EPB41L5: variants seen among roughly 807,000 people sequenced by gnomAD.
EPB41L5 encodes the protein band 4.1-like protein 5.
Under a neutral mutation model 106.6 loss-of-function variants are expected in EPB41L5, and 55 were observed. That is an observed-to-expected ratio of 0.52 (90% CI 0.42 to 0.65). The LOEUF (loss-of-function observed/expected upper bound fraction) is 0.65, where lower values mean the gene tolerates loss of function less well. Among genes scored for constraint, EPB41L5 ranks in the 30% least tolerant of loss-of-function variants. EPB41L5 has a pLI of 0.00. For synonymous variants in EPB41L5, 297 were observed against 306.7 expected, an observed-to-expected ratio of 0.97 and a Z score of 0.33; for missense variants, 871 against 882.1, an observed-to-expected ratio of 0.99 and a Z score of 0.16.
At chr2:120,029,964 C>T (rs1432955902) in intron 2 of EPB41L5, among the ~76,000 whole-genome samples, 2 of 152,120 alleles carry the variant, frequency 1.3e-5, no homozygotes, top group Non-Finnish European at 2.9e-5. Flanking sequence ...TAGCCCACAC[C>T]TTGAGAATAA....
In EPB41L5 at chr2:120,127,687, G is replaced by A; in HGVS notation, c.1338-1G>A. On this transcript the variant is annotated splice_acceptor_variant, in intron 16 of 24. Coordinates refer to ENST00000263713, the MANE Select transcript of EPB41L5 (RefSeq NM_020909.4). LOFTEE classifies it high-confidence loss of function. Reference sequence around the variant, plus strand: ...AAGTAAATTTTCTATTTCCATTGCAGCATTCCTCTGAATATTGATTTGCTG... The same window carrying A: ...AAGTAAATTTTCTATTTCCATTGCAACATTCCTCTGAATATTGATTTGCTG... 1 of 1,580,586 alleles carries A rather than the reference G, an allele frequency of 6.3e-7. No individual in the cohort carries two copies. Among genetic ancestry groups the A allele is most frequent in the Non-Finnish European group, 8.6e-7 (1 of 1,158,420 alleles).
chr2:120,141,754 G>C (rs1344332507), intron 18 of EPB41L5, among the ~76,000 whole-genome samples: 4 of 152,064 alleles, frequency 2.6e-5, no homozygotes, highest in Non-Finnish European at 5.9e-5. Context: ...TCAGGAGAGA[G>C]CATGTTAACC....
At chr2:120,066,471 G>A (rs62166876) in intron 3 of EPB41L5, among the ~76,000 whole-genome samples, 61 of 151,916 alleles carry the variant, frequency 4.0e-4, no homozygotes, top group Non-Finnish European at 5.4e-4. Flanking sequence ...ATTATTTTTC[G>A]TGGATATATA....
intron 3 of EPB41L5, among the ~76,000 whole-genome samples, chr2:120,072,791 G>T (rs1681963343): frequency 6.6e-6 from 1 of 152,140 alleles, no homozygotes; most frequent in African/African-American, 2.4e-5. Context: ...GAGGGTGAGG[G>T]ACTAGGGGAG....
At chr2:120,041,599 A>C (rs1292674853) in intron 2 of EPB41L5, among the ~76,000 whole-genome samples, 1 of 152,152 alleles carries the variant, frequency 6.6e-6, no homozygotes, top group Non-Finnish European at 1.5e-5. Flanking sequence ...ATCTGTTTGC[A>C]AGTGTAGTTT....
At chr2:120,088,374 G>A (rs1427192164) in intron 11 of EPB41L5, among the ~76,000 whole-genome samples, 4 of 152,178 alleles carry the variant, frequency 2.6e-5, no homozygotes, top group Admixed American at 2.0e-4. Flanking sequence ...ACAAGTGGGA[G>A]CTAAATGATA....
intron 3 of EPB41L5, among the ~76,000 whole-genome samples, chr2:120,050,605 A>T (rs1301191750): frequency 1.3e-5 from 2 of 152,202 alleles, no homozygotes; most frequent in Non-Finnish European, 2.9e-5. Context: ...GGGTTCGAAC[A>T]TCCTCCTTTA....
intron 16 of EPB41L5, among the ~76,000 whole-genome samples, chr2:120,112,531 C>T (rs972062450): frequency 3.3e-5 from 5 of 152,130 alleles, no homozygotes; most frequent in Non-Finnish European, 5.9e-5. Context: ...CTAAATCCAG[C>T]AAGCAAGAAG....
At position 120,178,033 on chromosome 2, in the gene EPB41L5, G is replaced by A. The variant is rs1185766205; in HGVS notation, c.*3126G>A. The stretch of plus-strand genomic sequence containing the variant: ...TTCTAAGTAAGAGTCTCGAGAAGCA[G>A]AGTTTTTGTCTTGTCATTGAGAGGA... On this transcript the variant is annotated 3_prime_UTR_variant, in exon 25 of 25. Transcript: ENST00000263713. 1 of 152,348 alleles carries A rather than the reference G, an allele frequency of 6.6e-6. No homozygotes were observed. The highest frequency in any genetic ancestry group is 1.5e-5 in the Non-Finnish European group (1 of 68,042). 9.4% of individuals were successfully genotyped at this position (152,348 alleles called of 1,614,324 possible).
intron 18 of EPB41L5, among the ~76,000 whole-genome samples, chr2:120,136,998 C>CA (rs1363157554): frequency 6.6e-6 from 1 of 151,592 alleles, no homozygotes; most frequent in Non-Finnish European, 1.5e-5. Context: ...TCTGAACATT[C>CA]AAAAAAACAA....
intron 3 of EPB41L5, among the ~76,000 whole-genome samples, chr2:120,055,398 T>C (rs1245644307): frequency 6.6e-6 from 1 of 152,022 alleles, no homozygotes; most frequent in African/African-American, 2.4e-5. Flanking sequence ...AATCTGTATA[T>C]CAATTTGGGG....
intron 19 of EPB41L5, among the ~76,000 whole-genome samples, chr2:120,143,867 T>C (rs540797727): frequency 6.6e-6 from 1 of 152,292 alleles, no homozygotes; most frequent in South Asian, 2.1e-4. Flanking sequence ...AGAATCTCAT[T>C]TCTGTTCTAC....
In EPB41L5 at chr2:120,090,358, G is replaced by A. The variant is rs2105365281; in HGVS notation, c.885G>A (p.Gln295=). 1 of 1,606,594 alleles carries A rather than the reference G, an allele frequency of 6.2e-7. No homozygotes were observed. Residue 295 remains glutamine (Q), a synonymous_variant, in exon 12 of 25, where the codon CAG becomes CAA. Transcript: ENST00000263713. The part of the protein sequence containing the change: ...VVEDDDQGKE[Q]EHTFVFRLDH... ...CTTTTCTTTTTCAGGGCAAAGAACA[G>A]GAACATACATTTGTCTTTAGACTGG... is the stretch of plus-strand genomic sequence containing the variant.
At chr2:120,113,931 T>G (rs1003549625) in intron 16 of EPB41L5, among the ~76,000 whole-genome samples, 1 of 152,244 alleles carries the variant, frequency 6.6e-6, no homozygotes, top group African/African-American at 2.4e-5. Context: ...GAATTTCTGC[T>G]TTTTGTGAAT....
At chr2:120,080,576 A>G (rs1682578796) in intron 10 of EPB41L5, among the ~76,000 whole-genome samples, 2 of 152,170 alleles carry the variant, frequency 1.3e-5, no homozygotes, top group South Asian at 2.1e-4. Context: ...ATACGTGTGC[A>G]TGTGTCTTTA....
chr2:120,079,039 T>C (rs990130745), intron 10 of EPB41L5, among the ~76,000 whole-genome samples: 1 of 152,208 alleles, frequency 6.6e-6, no homozygotes, highest in South Asian at 2.1e-4. Flanking sequence ...TGTTTTACTT[T>C]TACATCAAGG....
chr2:120,167,186 TA>T (rs1172724326), intron 22 of EPB41L5, among the ~76,000 whole-genome samples: 2 of 152,228 alleles, frequency 1.3e-5, no homozygotes, highest in African/African-American at 4.8e-5. Flanking sequence ...GCAGTCCTAT[TA>T]AGTGAACTGA....
chr2:120,177,485 TA>T lies in EPB41L5; in HGVS notation c.*2579del, dbSNP rs890707542. ...AACTCAGTCCATTTCATAGCCCTGA[TA>T]GGGGAAGTGGGAGTTGACAGGATGG... is the stretch of plus-strand genomic sequence containing the variant. On this transcript the variant is annotated 3_prime_UTR_variant, in exon 25 of 25. Coordinates refer to ENST00000263713, the MANE Select transcript of EPB41L5 (RefSeq NM_020909.4). The T allele has an allele frequency of 2.4e-4, 36 of 152,090 alleles. No individual in the cohort carries two copies. The highest frequency in any genetic ancestry group is 8.2e-4 in the African/African-American group (34 of 41,406). 9.4% of individuals were successfully genotyped at this position (152,090 alleles called of 1,614,324 possible). A position where few individuals can be genotyped will look rare whatever the true frequency, so the allele number is the denominator to read the frequency against.
chr2:120,153,192 T>A (rs1248321969), intron 20 of EPB41L5, among the ~76,000 whole-genome samples: 1 of 152,114 alleles, frequency 6.6e-6, no homozygotes, highest in Non-Finnish European at 1.5e-5. Flanking sequence ...ATTTTGGTAT[T>A]TTTTTCATTC....
Sources: allele counts gnomAD v4.1 joint callset (sites outside exome capture counted in the v4.1 genomes callset), GRCh38; gene constraint gnomAD v4.1.1; transcripts MANE v1.5; gene names NCBI Gene and HGNC (gene_info 2026-07-23, HGNC 2026-07-21).